SMOC2: variants seen among roughly 807,000 people sequenced by gnomAD.
The protein encoded by SMOC2 is SPARC related modular calcium binding 2.
In SMOC2, 39 loss-of-function variants were observed where a neutral mutation model predicts 61.4. The observed-to-expected ratio is 0.64, with a 90% CI of 0.49 to 0.83. The LOEUF (loss-of-function observed/expected upper bound fraction) is 0.83. SMOC2 is among the 40% of genes least tolerant of loss of function. The pLI is 0.00. For synonymous variants in SMOC2, 247 were observed against 239.9 expected, an observed-to-expected ratio of 1.03 and a Z score of -0.27; for missense variants, 556 against 592.9, an observed-to-expected ratio of 0.94 and a Z score of 0.65.
At chr6:168,551,076 G>T (rs1241070951) in intron 7 of SMOC2, among the ~76,000 whole-genome samples, 1 of 152,184 alleles carries the variant, frequency 6.6e-6, no homozygotes, top group East Asian at 1.9e-4. Flanking sequence ...CCCCCATGCT[G>T]TTCTCATGAT....
chr6:168,517,486 G>C (rs996750959), intron 2 of SMOC2, among the ~76,000 whole-genome samples: 3 of 152,228 alleles, frequency 2.0e-5, no homozygotes, highest in East Asian at 1.9e-4. Flanking sequence ...GCGTGGACCT[G>C]AGGGGCTGCC....
At chr6:168,557,705 A>G (rs1355090400) in intron 7 of SMOC2, among the ~76,000 whole-genome samples, 1 of 152,014 alleles carries the variant, frequency 6.6e-6, no homozygotes, top group Non-Finnish European at 1.5e-5. Flanking sequence ...TCTGATGTTG[A>G]CGTCACTAGT....
intron 9 of SMOC2, among the ~76,000 whole-genome samples, chr6:168,642,549 C>T (rs528653318): frequency 6.6e-5 from 10 of 152,280 alleles, no homozygotes; most frequent in East Asian, 5.8e-4. Context: ...GTGGTTAAAG[C>T]GCGTACCTGT....
Position 168,526,384 on chromosome 6 carries a change from G to A in SMOC2, c.295G>A (p.Glu99Lys), listed in dbSNP as rs1255843862. ...TGTGGCCGAAAGGAAGTATACCCAG[G>A]AGCAAGCCCGGAAGGAGTTTCAGCA... ...RCVAERKYTQ[E>K]QARKEFQQVF... Residue 99 changes from glutamate (E) to lysine (K), a missense_variant, in exon 3 of 13, where the codon GAG (glutamate) becomes AAG (lysine). Transcript: ENST00000356284. The A allele has an allele frequency of 1.2e-6, 2 of 1,614,224 alleles. No individual in the cohort carries two copies. Among genetic ancestry groups the A allele is most frequent in the Non-Finnish European group, 1.7e-6 (2 of 1,180,050 alleles).
Position 168,453,958 on chromosome 6 carries a change from CCT to C in SMOC2, c.84+12509_84+12510del. ...TCTATCTTTGGTCTCTGCCATTCTC[CCT>C]CTCTGTTTTGTCTATCTTTCTTTGC... On this transcript the variant is annotated intron_variant, in intron 1 of 12. Transcript: ENST00000356284. The surrounding 1 kb of genome is among the most constrained non-coding windows in gnomAD (Gnocchi z 4.4). Among the ~76,000 whole-genome samples the C allele has an allele frequency of 1.3e-5, 2 of 152,038 alleles. No homozygotes were observed. The highest frequency in any genetic ancestry group is 4.8e-5 in the African/African-American group (2 of 41,462).
chr6:168,466,449 G>T (rs1182547223), intron 1 of SMOC2, among the ~76,000 whole-genome samples: 2 of 152,178 alleles, frequency 1.3e-5, no homozygotes, highest in East Asian at 1.9e-4. Flanking sequence ...CAGATCAGCC[G>T]CTTCTGTGGG....
At chr6:168,615,778 T>C (rs1464010850) in intron 9 of SMOC2, among the ~76,000 whole-genome samples, 2 of 152,174 alleles carry the variant, frequency 1.3e-5, no homozygotes, top group African/African-American at 4.8e-5. Flanking sequence ...GCCAGGAGCA[T>C]CTTTTTTCTT....
chr6:168,568,766 T>C (rs1784601703), intron 7 of SMOC2, among the ~76,000 whole-genome samples: 1 of 152,218 alleles, frequency 6.6e-6, no homozygotes, highest in African/African-American at 2.4e-5. Context: ...TCAGAGAGTC[T>C]GACTCATATA....
chr6:168,656,516 A>AAG (rs1787326007), intron 11 of SMOC2, among the ~76,000 whole-genome samples: 2 of 138,948 alleles, frequency 1.4e-5, no homozygotes, highest in Non-Finnish European at 3.0e-5. Context: ...TTAAAAAAAA[A>AAG]AAAAAAAAAA....
chr6:168,547,993 C>T (rs1784045253), intron 6 of SMOC2, among the ~76,000 whole-genome samples: 1 of 152,038 alleles, frequency 6.6e-6, no homozygotes, highest in East Asian at 1.9e-4. Flanking sequence ...CTGTTTTTAC[C>T]TTTAATACAT....
chr6:168,451,706 T>C (rs983511580), intron 1 of SMOC2, among the ~76,000 whole-genome samples: 1 of 152,164 alleles, frequency 6.6e-6, no homozygotes, highest in Admixed American at 6.5e-5. Context: ...CTCTCTGACC[T>C]GAACATACAC....
At chr6:168,596,848 G>A (rs1190381992) in intron 7 of SMOC2, among the ~76,000 whole-genome samples, 4 of 152,234 alleles carry the variant, frequency 2.6e-5, no homozygotes, top group Non-Finnish European at 2.9e-5. Flanking sequence ...TGCATTTGCT[G>A]AGCAAAACCT....
intron 1 of SMOC2, among the ~76,000 whole-genome samples, chr6:168,465,456 T>C (rs1781806211): frequency 6.7e-6 from 1 of 148,830 alleles, no homozygotes; most frequent in Non-Finnish European, 1.5e-5. Flanking sequence ...TAAGAAGCCA[T>C]CAGATCAGCC....
intron 1 of SMOC2, among the ~76,000 whole-genome samples, chr6:168,476,585 C>A (rs1782093649): frequency 1.3e-5 from 2 of 151,624 alleles, no homozygotes; most frequent in Admixed American, 1.3e-4. Flanking sequence ...CAGATATTTT[C>A]TATGGTTTTT....
rs1025523961 is a variant in SMOC2, at chr6:168,441,240, G to T, written c.-131G>T. 1 of 1,314,252 alleles carries T rather than the reference G, an allele frequency of 7.6e-7. No individual in the cohort carries two copies. The highest frequency in any genetic ancestry group is 9.7e-7 in the Non-Finnish European group (1 of 1,030,580). 81.4% of individuals were successfully genotyped at this position (1,314,252 alleles called of 1,614,324 possible). On this transcript the variant is annotated 5_prime_UTR_variant, in exon 1 of 13. Coordinates refer to ENST00000356284, the MANE Select transcript of SMOC2 (RefSeq NM_001166412.2). The stretch of plus-strand genomic sequence containing the variant: ...AGCTGCTCCAGCCGGGCCGCCGGGA[G>T]CGGTGGGGAGAGCATCGCGGAGCCG...
At position 168,510,105 on chromosome 6, in the gene SMOC2, A is replaced by G. The variant is rs1782971756; in HGVS notation, c.256+19A>G. 1.2e-6 allele frequency: 2 copies of G among 1,609,576 alleles called. No homozygotes were observed. Among genetic ancestry groups the G allele is most frequent in the South Asian group, 1.1e-5 (1 of 90,926 alleles). On this transcript the variant is annotated intron_variant, in intron 2 of 12. Coordinates refer to ENST00000356284, the MANE Select transcript of SMOC2 (RefSeq NM_001166412.2). ...TGCAAAGGTAAGCTGCTGTTTGATC[A>G]TTCATCCAAAGATGGGTACATCCAT...
intron 6 of SMOC2, among the ~76,000 whole-genome samples, chr6:168,548,805 C>A (rs1784066084): frequency 1.3e-5 from 2 of 152,100 alleles, no homozygotes; most frequent in Non-Finnish European, 2.9e-5. Flanking sequence ...ATGTGAATAG[C>A]CATTTTAACT....
intron 11 of SMOC2, among the ~76,000 whole-genome samples, chr6:168,661,364 C>T (rs1353663147): frequency 2.6e-5 from 4 of 152,120 alleles, no homozygotes; most frequent in Non-Finnish European, 2.9e-5. Flanking sequence ...GTAATCCCAG[C>T]ACTTTGGGAG....
intron 7 of SMOC2, among the ~76,000 whole-genome samples, chr6:168,552,271 A>G (rs1195000660): frequency 1.3e-5 from 2 of 152,206 alleles, no homozygotes; most frequent in Non-Finnish European, 2.9e-5. Context: ...ATATCAGAAG[A>G]GTGTCATTTA....
Sources: allele counts gnomAD v4.1 joint callset (sites outside exome capture counted in the v4.1 genomes callset), GRCh38; gene constraint gnomAD v4.1.1; non-coding constraint Gnocchi (gnomAD v3.1); transcripts MANE v1.5; gene names NCBI Gene and HGNC (gene_info 2026-07-23, HGNC 2026-07-21).